The following KIF25 variants were observed in gnomAD, a reference collection of about 807,000 sequenced individuals.
KIF25 encodes the protein kinesin family member 25, also known as kinesin-like protein KIF25.
Under a neutral mutation model 32.9 loss-of-function variants are expected in KIF25, and 19 were observed. The observed-to-expected ratio is 0.58, with a 90% confidence interval of 0.40 to 0.85. KIF25 has a LOEUF of 0.85. Among genes scored for constraint, KIF25 ranks in the 40% least tolerant of loss-of-function variants. The pLI, the probability that KIF25 is intolerant of heterozygous loss-of-function variation, is 0.00. For missense variants in KIF25, 485 were observed against 507.0 expected (o/e 0.96, Z 0.42); for synonymous variants, 225 against 213.7 (o/e 1.05, Z -0.46).
At chr6:168,041,874 C>T (rs1799124050) in intron 10 of KIF25, 95 bp from the exon 11 acceptor site, 1 of 1,229,772 alleles carries the variant, frequency 8.1e-7, no homozygotes, top group Non-Finnish European at 1.1e-6. Flanking sequence ...CAGGAGGGTG[C>T]AGTTCAGAAG....
intron 5 of KIF25, among the ~76,000 whole-genome samples, chr6:168,027,562 G>A (rs1798880181): frequency 6.6e-6 from 1 of 152,172 alleles, no homozygotes; most frequent in Non-Finnish European, 1.5e-5. Flanking sequence ...GAGAATGACA[G>A]GGTCCAAGCA....
At chr6:168,011,047 C>G (rs530022426) in intron 4 of KIF25, among the ~76,000 whole-genome samples, 3 of 152,126 alleles carry the variant, frequency 2.0e-5, no homozygotes, top group East Asian at 3.9e-4. Context: ...ATAGTTGGGT[C>G]TTGTTCTTTA....
chr6:168,031,295 G>C (rs1358746948), intron 7 of KIF25, among the ~76,000 whole-genome samples: 2 of 151,396 alleles, frequency 1.3e-5, no homozygotes, highest in African/African-American at 2.5e-5. Flanking sequence ...TGTAATTTAG[G>C]AATGAAGAAT....
chr6:168,044,544 C>T (rs114442104), intron 12 of KIF25, among the ~76,000 whole-genome samples: 2,083 of 123,222 alleles, frequency 0.017, 65 homozygotes, highest in African/African-American at 0.058. Flanking sequence ...CCTCCCTGAC[C>T]GGGGTGAGGG....
intron 3 of KIF25, among the ~76,000 whole-genome samples, chr6:168,002,861 C>A (rs189681957): frequency 6.6e-6 from 1 of 152,326 alleles, no homozygotes; most frequent in African/African-American, 2.4e-5. Context: ...GTGATGGAGA[C>A]AGTGACAGGT....
At chr6:168,009,684 T>C (rs2636356) in intron 4 of KIF25, among the ~76,000 whole-genome samples, 67,512 of 151,840 alleles carry the variant, frequency 0.44, 16,750 homozygotes, top group Non-Finnish European at 0.56. Flanking sequence ...TCGAATTTAG[T>C]AGTGAAGCCT....
Position 168,040,059 on chromosome 6 carries a change from C to T in KIF25, c.495-6C>T. The T allele has an allele frequency of 6.2e-7, 1 of 1,610,222 alleles. No homozygotes were observed. The highest frequency in any genetic ancestry group is 8.5e-7 in the Non-Finnish European group (1 of 1,177,866). On this transcript the variant is annotated splice_polypyrimidine_tract_variant and splice_region_variant and intron_variant, in intron 9 of 12. Coordinates refer to ENST00000643607, the MANE Select transcript of KIF25 (RefSeq NM_030615.4). ...CTGTGTTCCCCACTGCTTGCCTTGTCTGTAGGGCTGTCGGCAGCGCCTCGA... is the reference window on the plus strand; with the variant it reads ...CTGTGTTCCCCACTGCTTGCCTTGTTTGTAGGGCTGTCGGCAGCGCCTCGA...
intron 8 of KIF25, among the ~76,000 whole-genome samples, chr6:168,034,870 T>C (rs906048221): frequency 1.3e-5 from 2 of 152,136 alleles, no homozygotes; most frequent in African/African-American, 4.8e-5. Context: ...TAAAAAGTCG[T>C]CTCAGTGGCC....
At chr6:168,044,550 G>T (rs1297974821) in intron 12 of KIF25, among the ~76,000 whole-genome samples, 2 of 144,736 alleles carry the variant, frequency 1.4e-5, no homozygotes, top group African/African-American at 5.0e-5. Flanking sequence ...TGACCGGGGT[G>T]AGGGGTGCTA....
intron 5 of KIF25, among the ~76,000 whole-genome samples, chr6:168,027,559 A>G (rs983006925): frequency 1.3e-5 from 2 of 151,652 alleles, no homozygotes; most frequent in African/African-American, 4.8e-5. Flanking sequence ...AATGAGAATG[A>G]CAGGGTCCAA....
At position 167,998,153 on chromosome 6, in the gene KIF25, C is replaced by T. The variant is rs941058483; in HGVS notation, c.-1316C>T. ...CCTGGCACTTCAGAAAGTCTCACTA[C>T]GCTGCAGCTTTTTTTTTTTTTAATC... is the stretch of plus-strand genomic sequence containing the variant. On this transcript the variant is annotated 5_prime_UTR_variant, in exon 1 of 13. In the 5' UTR this introduces an upstream ATG that the reference lacks. Coordinates refer to ENST00000643607, the MANE Select transcript of KIF25 (RefSeq NM_030615.4). The T allele has an allele frequency of 2.6e-5, 4 of 151,340 alleles. No individual in the cohort carries two copies. Among genetic ancestry groups the T allele is most frequent in the Non-Finnish European group, 4.4e-5 (3 of 67,902 alleles). 9.4% of individuals were successfully genotyped at this position (151,340 alleles called of 1,614,324 possible). A position where few individuals can be genotyped will look rare whatever the true frequency, so the allele number is the denominator to read the frequency against.
intron 5 of KIF25, among the ~76,000 whole-genome samples, chr6:168,027,454 CAAAAAA>C (rs757678230): frequency 4.4e-4 from 39 of 88,948 alleles, no homozygotes; most frequent in Non-Finnish European, 4.8e-4. Flanking sequence ...ACTCTGTCTC[CAAAAAA>C]AAAAAAAAAA....
intron 5 of KIF25, among the ~76,000 whole-genome samples, chr6:168,028,764 T>A (rs1370971896): frequency 6.6e-6 from 1 of 152,236 alleles, no homozygotes; most frequent in Non-Finnish European, 1.5e-5. Context: ...TAATCATGTA[T>A]TTTCAGGAGC....
At chr6:168,042,449 C>G (rs1481484001) in intron 11 of KIF25, 112 bp from the exon 12 acceptor site, 1 of 1,334,716 alleles carries the variant, frequency 7.5e-7, no homozygotes, top group East Asian at 2.3e-5. Flanking sequence ...CCTGTCCCGT[C>G]CATGGCCTCC....
At chr6:168,043,407 C>T (rs73788702) in intron 12 of KIF25, among the ~76,000 whole-genome samples, 44 of 152,238 alleles carry the variant, frequency 2.9e-4, no homozygotes, top group Middle Eastern at 6.8e-3. Flanking sequence ...CCACCACAGT[C>T]GGGGGGCTCC....
At chr6:168,012,065 T>C (rs943679589) in intron 4 of KIF25, among the ~76,000 whole-genome samples, 1 of 151,884 alleles carries the variant, frequency 6.6e-6, no homozygotes, top group Non-Finnish European at 1.5e-5. Context: ...CTCTTTATTG[T>C]ATTTTTCATT....
At position 168,037,945 on chromosome 6, in the gene KIF25, A is replaced by G. The variant is rs970688600; in HGVS notation, c.318-608A>G. 2.0e-5 allele frequency among the ~76,000 whole-genome samples: 3 copies of G among 151,948 alleles called. No individual in the cohort carries two copies. The South Asian group carries it at 6.2e-4, about 32-fold the overall frequency. On this transcript the variant is annotated intron_variant, in intron 8 of 12. Coordinates refer to ENST00000643607, the MANE Select transcript of KIF25 (RefSeq NM_030615.4). ...TGGCCATGATGGTCTTCATCTCTTG[A>G]CCTCATGATCCACCCACTTCAGCCT...
chr6:168,024,446 TTTTTTTTA>T, intron 5 of KIF25, among the ~76,000 whole-genome samples: 1 of 144,106 alleles, frequency 6.9e-6, no homozygotes, highest in African/African-American at 2.7e-5. Context: ...TTTTTTTTTT[TTTTTTTTA>T]CTGTGCTTCA....
chr6:168,004,457 C>T (rs929122375), intron 4 of KIF25, among the ~76,000 whole-genome samples: 18 of 152,176 alleles, frequency 1.2e-4, no homozygotes, highest in Admixed American at 1.0e-3. Flanking sequence ...AGAACATCAA[C>T]TCATTATTCC....
Sources: allele counts gnomAD v4.1 joint callset (sites outside exome capture counted in the v4.1 genomes callset), GRCh38; gene constraint gnomAD v4.1.1; transcripts MANE v1.5; gene names NCBI Gene and HGNC (gene_info 2026-07-23, HGNC 2026-07-21).